The following MAST1 variants were observed in gnomAD, a reference collection of about 807,000 sequenced individuals.
MAST1 encodes microtubule-associated serine/threonine-protein kinase 1.
In MAST1, 40 loss-of-function variants were observed where a neutral mutation model predicts 124.6. That is an observed-to-expected ratio of 0.32 (90% CI 0.25 to 0.42). MAST1 has a LOEUF of 0.42. MAST1 is among the 10% of genes least tolerant of loss of function. MAST1 has a pLI of 1.00. For synonymous variants in MAST1, 938 were observed against 939.4 expected (o/e 1.00, Z 0.03); for missense variants, 1,558 against 2,181.9 (o/e 0.71, Z 5.70).
chr19:12,864,410 A>T (rs1970124242), intron 12 of MAST1, among the ~76,000 whole-genome samples: 1 of 151,500 alleles, frequency 6.6e-6, no homozygotes, highest in Non-Finnish European at 1.5e-5. Context: ...AAAAAAAAAA[A>T]ATCTAGTGAA....
At chr19:12,848,254 C>T (rs999464183) in intron 7 of MAST1, 197 bp downstream of exon 7, 1 of 591,840 alleles carries the variant, frequency 1.7e-6, no homozygotes, top group Admixed American at 3.0e-5. Flanking sequence ...TTTCACCTCG[C>T]TCATTTCCCT....
In MAST1 at chr19:12,865,594, G is replaced by A; in HGVS notation, c.1804+113G>A. On this transcript the variant is annotated intron_variant, in intron 15 of 25. Transcript: ENST00000251472. The surrounding 1 kb of genome is among the most constrained non-coding windows in gnomAD (Gnocchi z 7.1). Reference sequence around the variant, plus strand: ...CCCCCAGAGGATCGCTTGCACTCAGGAGGTCAAGGCTGCAGTGAGCCATGA... The same window carrying A: ...CCCCCAGAGGATCGCTTGCACTCAGAAGGTCAAGGCTGCAGTGAGCCATGA... 1 of 1,479,738 alleles carries A rather than the reference G, an allele frequency of 6.8e-7. No individual in the cohort carries two copies. The highest frequency in any genetic ancestry group is 1.4e-5 in the African/African-American group (1 of 71,294). 91.7% of individuals were successfully genotyped at this position (1,479,738 alleles called of 1,614,324 possible). A position where few individuals can be genotyped will look rare whatever the true frequency, so the allele number is the denominator to read the frequency against.
intron 22 of MAST1, 44 bp downstream of exon 22, chr19:12,869,339 G>A: frequency 6.5e-7 from 1 of 1,534,152 alleles, no homozygotes; most frequent in Non-Finnish European, 8.9e-7. Flanking sequence ...GTGGAGGGTG[G>A]TGGGGAAAAG....
At position 12,840,524 on chromosome 19, in the gene MAST1, A is replaced by G. The variant is rs1250688397; in HGVS notation, c.162A>G (p.Pro54=). Residue 54 remains proline, a synonymous_variant, in exon 2 of 26, where the codon CCA becomes CCG. Transcript: ENST00000251472. The part of the protein sequence containing the change: ...PTLPRPHSPL[P]GHLGSSPLDS... ...TACCGAGACCCCACTCCCCGCTGCC[A>G]GGTCACCTAGGTGAGGCCAGTGGTA... 6.2e-7 allele frequency: 1 copy of G among 1,613,294 alleles called. No individual in the cohort carries two copies. Among genetic ancestry groups the G allele is most frequent in the Non-Finnish European group, 8.5e-7 (1 of 1,179,390 alleles).
intron 24 of MAST1, 37 bp downstream of exon 24, chr19:12,871,209 TG>T: frequency 6.2e-7 from 1 of 1,611,774 alleles, no homozygotes; most frequent in Non-Finnish European, 8.5e-7. Context: ...CTTTGAGCAG[TG>T]GGTGGAACTT....
At chr19:12,856,227 GA>G (rs1175437290) in intron 10 of MAST1, among the ~76,000 whole-genome samples, 1 of 148,546 alleles carries the variant, frequency 6.7e-6, no homozygotes, top group Non-Finnish European at 1.5e-5. Context: ...GATATACAGT[GA>G]AAAAAATCTT....
At chr19:12,848,217 A>T (rs895221769) in intron 7 of MAST1, 160 bp downstream of exon 7, 3 of 631,554 alleles carry the variant, frequency 4.8e-6, no homozygotes, top group Middle Eastern at 3.9e-4. Flanking sequence ...TCCCTTCCCT[A>T]GGTCTGACCG....
In MAST1 at chr19:12,865,423, G is replaced by A; in HGVS notation, c.1746G>A (p.Val582=). Residue 582 remains valine, a synonymous_variant, in exon 15 of 26, where the codon GTG becomes GTA. Coordinates refer to ENST00000251472, the MANE Select transcript of MAST1 (RefSeq NM_014975.3). This position sits in a 1 kb window ranked among gnomAD's most constrained non-coding sequence, Gnocchi z 7.1. ...AMGIILYEFL[V]GCVPFFGDTP... ...GGATCATCCTCTACGAGTTCCTGGT[G>A]GGCTGTGTGCCCTTCTTCGGAGACA... The A allele has an allele frequency of 1.2e-6, 2 of 1,610,602 alleles. No homozygotes were observed. The highest frequency in any genetic ancestry group is 1.7e-6 in the Non-Finnish European group (2 of 1,178,284).
Position 12,843,694 on chromosome 19 carries a change from C to A in MAST1, c.327+87C>A. ...AAGACCCACACCCAGGCCAGCAGTC[C>A]AGGCTGGGCTTGATGACAGTTTAGG... On this transcript the variant is annotated intron_variant, in intron 4 of 25. Coordinates refer to ENST00000251472, the MANE Select transcript of MAST1 (RefSeq NM_014975.3). This position sits in a 1 kb window ranked among gnomAD's most constrained non-coding sequence, Gnocchi z 4.9. 1 of 1,204,880 alleles carries A rather than the reference C, an allele frequency of 8.3e-7. No individual in the cohort carries two copies. The highest frequency in any genetic ancestry group is 1.2e-6 in the Non-Finnish European group (1 of 839,962). The allele number at this position is 1,204,880 out of a possible 1,614,324, so 74.6% of individuals were successfully genotyped here.
chr19:12,867,477 T>G lies in MAST1; in HGVS notation c.2143T>G (p.Tyr715Asp), dbSNP rs763792215. Residue 715 changes from tyrosine (Y) to aspartate (D), a missense_variant, in exon 19 of 26, where the codon TAT (tyrosine) becomes GAT (aspartate). By Grantham distance (160) the Tyr-to-Asp change is radical. Around this residue, in one of 10 missense-constraint regions of MAST1, gnomAD observed 287 missense variants for 308.0 expected, o/e 0.93. Coordinates refer to ENST00000251472, the MANE Select transcript of MAST1 (RefSeq NM_014975.3). Reference sequence around the variant, plus strand: ...TGCCTCCCACCACCACCTACAGGTGTATAGCAGCATGGAGCAGCTGTCGCA... The same window carrying G: ...TGCCTCCCACCACCACCTACAGGTGGATAGCAGCATGGAGCAGCTGTCGCA... ...SSCSPRFSKV[Y>D]SSMEQLSQHE... 1.9e-6 allele frequency: 3 copies of G among 1,613,088 alleles called. No homozygotes were observed.
rs202006530 is a variant in MAST1 at position 12,874,188 on chromosome 19, C to A, written c.4031C>A (p.Pro1344Gln). 2.2e-4 allele frequency: 342 copies of A among 1,542,316 alleles called. 1 individual carries two copies. The African/African-American group carries it at 3.9e-3, about 18-fold the overall frequency. Residue 1344 changes from proline to glutamine, a missense_variant, in exon 26 of 26, where the codon CCG becomes CAG. By Grantham distance (76) the Pro-to-Gln change is moderately conservative. Transcript: ENST00000251472. The surrounding 1 kb of genome is among the most constrained non-coding windows in gnomAD (Gnocchi z 6.6). ...QESPLSLGAD[P>Q]LLPEGASRPP... ...TCACCTTTGAGCCTGGGCGCGGACC[C>A]GTTGCTGCCCGAGGGTGCCTCCAGG...
At chr19:12,868,102 G>GTTTTTTTTTT (rs1568414424) in intron 20 of MAST1, 125 bp downstream of exon 20, 22 of 539,078 alleles carry the variant, frequency 4.1e-5, no homozygotes, top group East Asian at 7.7e-5. Flanking sequence ...TGCAATTTGG[G>GTTTTTTTTTT]ATTTTTTTTT....
chr19:12,858,826 A>T (rs1195120501), intron 12 of MAST1, 87 bp downstream of exon 12: 1 of 1,296,328 alleles, frequency 7.7e-7, no homozygotes, highest in African/African-American at 1.5e-5. Flanking sequence ...CGCAGTCTCC[A>T]TATTGATTAG....
intron 13 of MAST1, 49 bp from the exon 14 acceptor site, chr19:12,864,997 A>G (rs1460887409): frequency 1.2e-6 from 2 of 1,613,622 alleles, no homozygotes; most frequent in Middle Eastern, 1.6e-4. Flanking sequence ...GGAGGCCAGG[A>G]GGCAGAATGG....
chr19:12,867,357 G>A, intron 18 of MAST1, 117 bp from the exon 19 acceptor site: 3 of 1,172,100 alleles, frequency 2.6e-6, no homozygotes, highest in Middle Eastern at 2.9e-4. Flanking sequence ...ACAATTGGGC[G>A]GAGCCAGGCC....
chr19:12,842,927 A>G (rs1770363409), intron 3 of MAST1, among the ~76,000 whole-genome samples: 2 of 152,040 alleles, frequency 1.3e-5, no homozygotes, highest in Non-Finnish European at 2.9e-5. Context: ...ATTTGGGTCC[A>G]TGGATGGGAT....
In MAST1 at chr19:12,874,040, C is replaced by T. The variant is rs1260542754; in HGVS notation, c.3883C>T (p.Arg1295Cys). The change falls in exon 26 of 26, where the codon CGC becomes TGC. Residue 1295 changes from arginine to cysteine, a missense_variant. Arg to Cys is a radical substitution (Grantham distance 180). Transcript: ENST00000251472. The surrounding 1 kb of genome is among the most constrained non-coding windows in gnomAD (Gnocchi z 6.6). ...CCTCGAGGTGGGCCACCCGGATTTCCGCAAGGACTTCCATGGCGAGCTGGC... is the reference window on the plus strand; with the variant it reads ...CCTCGAGGTGGGCCACCCGGATTTCTGCAAGGACTTCCATGGCGAGCTGGC... ...HSLEVGHPDF[R>C]KDFHGELALH... The T allele has an allele frequency of 5.6e-6, 9 of 1,605,146 alleles. No homozygotes were observed. The highest frequency in any genetic ancestry group is 7.6e-6 in the Non-Finnish European group (9 of 1,178,322).
In MAST1 at chr19:12,841,677, TA is replaced by T. The variant is rs1486493863; in HGVS notation, c.248+614del. Reference sequence around the variant, plus strand: ...CTCTATTCATTCTAAAAATGGTGTCTAAACACCTGCTATGTTCTTAGGAGCT... The same window carrying T: ...CTCTATTCATTCTAAAAATGGTGTCTAACACCTGCTATGTTCTTAGGAGCT... On this transcript the variant is annotated intron_variant, in intron 3 of 25. Coordinates refer to ENST00000251472, the MANE Select transcript of MAST1 (RefSeq NM_014975.3). This position sits in a 1 kb window ranked among gnomAD's most constrained non-coding sequence, Gnocchi z 4.3. 6.6e-6 allele frequency among the ~76,000 whole-genome samples: 1 copy of T among 152,218 alleles called. No individual in the cohort carries two copies. The highest frequency in any genetic ancestry group is 6.5e-5 in the Admixed American group (1 of 15,278).
chr19:12,867,268 C>T (rs1970167023), intron 18 of MAST1, among the ~76,000 whole-genome samples: 1 of 152,004 alleles, frequency 6.6e-6, no homozygotes, highest in South Asian at 2.1e-4. Flanking sequence ...ATCGTCGGGG[C>T]AGAGCCTAGA....
Sources: gnomAD v4.1 joint callset for allele counts (sites outside exome capture counted in the v4.1 genomes callset) on GRCh38, gnomAD v4.1.1 for gene constraint, gnomAD v4.1.1 regional missense constraint, Gnocchi (gnomAD v3.1) non-coding constraint, MANE v1.5 for transcripts, NCBI Gene and HGNC (gene_info 2026-07-23, HGNC 2026-07-21) for gene names.